TMEM117: variants seen among roughly 807,000 people sequenced by gnomAD.
TMEM117 encodes the protein transmembrane protein 117.
A neutral mutation model predicts 52.4 loss-of-function variants in TMEM117; 27 were observed. The observed-to-expected ratio is 0.51, with a 90% CI of 0.38 to 0.71. The LOEUF (loss-of-function observed/expected upper bound fraction) is 0.71, where lower values mean the gene tolerates loss of function less well. Among genes scored for constraint, TMEM117 ranks in the 30% least tolerant of loss-of-function variants. TMEM117 has a pLI of 0.00. For synonymous variants in TMEM117, 215 were observed against 206.3 expected (o/e 1.04, Z -0.36); for missense variants, 556 against 630.5 (o/e 0.88, Z 1.26).
chr12:44,259,663 T>C (rs1197117806), intron 5 of TMEM117, among the ~76,000 whole-genome samples: 1 of 152,176 alleles, frequency 6.6e-6, no homozygotes, highest in East Asian at 1.9e-4. Context: ...ATAGGAACTT[T>C]ATCTAAATGT....
intron 3 of TMEM117, among the ~76,000 whole-genome samples, chr12:44,003,707 T>C (rs907843107): frequency 3.9e-5 from 6 of 152,176 alleles, no homozygotes; most frequent in Non-Finnish European, 2.9e-5. Context: ...GGCAATGGAG[T>C]TTATGTCTCT....
At chr12:44,246,343 AC>A (rs1950129493) in intron 5 of TMEM117, among the ~76,000 whole-genome samples, 1 of 152,188 alleles carries the variant, frequency 6.6e-6, no homozygotes, top group African/African-American at 2.4e-5. Context: ...AAATACATTA[AC>A]CACAAGGAGA....
Position 44,336,645 on chromosome 12 carries a change from T to TCCATTAGG in TMEM117, c.768+36908_768+36915dup, listed in dbSNP as rs375452947. 2.1e-3 allele frequency among the ~76,000 whole-genome samples: 315 copies of TCCATTAGG among 151,974 alleles called. 13 individuals carry two copies. The East Asian group carries it at 0.057, about 27-fold the overall frequency. ...TTCCTGGTTTTATGTTTTAGAGAAA[T>TCCATTAGG]CCATTAGGCATTGGAAAAGTGCCTG... is the stretch of plus-strand genomic sequence containing the variant. On this transcript the variant is annotated intron_variant, in intron 6 of 7. Coordinates refer to ENST00000266534, the MANE Select transcript of TMEM117 (RefSeq NM_032256.3).
intron 2 of TMEM117, among the ~76,000 whole-genome samples, chr12:43,880,725 A>G (rs556756964): frequency 1.3e-5 from 2 of 152,266 alleles, no homozygotes; most frequent in South Asian, 4.1e-4. Flanking sequence ...ATTGTATTTC[A>G]CTGCTCTCAT....
the TMEM117 span, among the ~76,000 whole-genome samples, chr12:43,805,203 A>G: frequency 3.3e-5 from 5 of 152,234 alleles, no homozygotes; most frequent in South Asian, 2.1e-4. Context: ...GTTGTCTATT[A>G]GCAGCAAGAA....
chr12:44,255,691 A>G (rs1202335534), intron 5 of TMEM117, among the ~76,000 whole-genome samples: 2 of 152,116 alleles, frequency 1.3e-5, no homozygotes, highest in Non-Finnish European at 2.9e-5. Flanking sequence ...ATGCATACAC[A>G]TATACATGCA....
At chr12:43,815,369 G>A in the TMEM117 span, among the ~76,000 whole-genome samples, 1 of 152,190 alleles carries the variant, frequency 6.6e-6, no homozygotes, top group Admixed American at 6.5e-5. Context: ...AGCTGTTTAG[G>A]AAGTCAGGGA....
intron 5 of TMEM117, among the ~76,000 whole-genome samples, chr12:44,244,238 C>T (rs972944962): frequency 6.6e-6 from 1 of 151,970 alleles, no homozygotes; most frequent in Non-Finnish European, 1.5e-5. Context: ...TGCATTCCCA[C>T]CAACAGTGTC....
rs934494807 is a variant in TMEM117 at position 44,389,004 on chromosome 12, A to G, written c.*332A>G. On this transcript the variant is annotated 3_prime_UTR_variant, in exon 8 of 8. Transcript: ENST00000266534. Reference sequence around the variant, plus strand: ...TGCCTTGAGACATTAAACTGTTTTTAACTGTACCAGAAATGAAGTGTGGAA... The same window carrying G: ...TGCCTTGAGACATTAAACTGTTTTTGACTGTACCAGAAATGAAGTGTGGAA... 2.1e-5 allele frequency: 5 copies of G among 236,668 alleles called. No homozygotes were observed. The highest frequency in any genetic ancestry group is 1.1e-4 in the African/African-American group (5 of 44,640). 14.7% of individuals were successfully genotyped at this position (236,668 alleles called of 1,614,324 possible). A position where few individuals can be genotyped will look rare whatever the true frequency, so the allele number is the denominator to read the frequency against.
At chr12:44,205,436 A>G (rs1416644177) in intron 4 of TMEM117, among the ~76,000 whole-genome samples, 1 of 152,206 alleles carries the variant, frequency 6.6e-6, no homozygotes, top group Admixed American at 6.6e-5. Context: ...AGTCTTGGGT[A>G]TGTCTTTATT....
chr12:44,378,564 A>G (rs966872066), intron 7 of TMEM117, among the ~76,000 whole-genome samples: 1 of 152,204 alleles, frequency 6.6e-6, no homozygotes, highest in Non-Finnish European at 1.5e-5. Context: ...CATTTGAACT[A>G]AAACCCTCTT....
At chr12:44,392,403 A>T (rs1015956469), downstream of TMEM117, among the ~76,000 whole-genome samples, 1 of 152,160 alleles carries the variant, frequency 6.6e-6, no homozygotes, top group African/African-American at 2.4e-5. Flanking sequence ...TAAAATTCTC[A>T]TTAGGCTAGT....
chr12:44,384,961 A>G (rs1278219736), intron 7 of TMEM117, among the ~76,000 whole-genome samples: 1 of 152,174 alleles, frequency 6.6e-6, no homozygotes, highest in Non-Finnish European at 1.5e-5. Context: ...TCACAGAATA[A>G]AAAATTGGAT....
At chr12:43,861,156 A>G (rs1161730579) in intron 2 of TMEM117, among the ~76,000 whole-genome samples, 1 of 152,190 alleles carries the variant, frequency 6.6e-6, no homozygotes, top group Non-Finnish European at 1.5e-5. Context: ...TAGTATTTTC[A>G]GCAGTGGAGG....
intron 6 of TMEM117, among the ~76,000 whole-genome samples, chr12:44,366,984 A>G (rs1951798140): frequency 6.6e-6 from 1 of 152,180 alleles, no homozygotes; most frequent in Non-Finnish European, 1.5e-5. Context: ...AGCTGTAAAC[A>G]ACCAGTGTAT....
chr12:43,821,565 G>A, the TMEM117 span, among the ~76,000 whole-genome samples: 1 of 152,194 alleles, frequency 6.6e-6, no homozygotes, highest in East Asian at 1.9e-4. Flanking sequence ...ACAATTGTGA[G>A]CCACTGTGCC....
chr12:44,366,158 G>T (rs1248117500), intron 6 of TMEM117, among the ~76,000 whole-genome samples: 1 of 152,048 alleles, frequency 6.6e-6, no homozygotes, highest in Non-Finnish European at 1.5e-5. Flanking sequence ...GGGAACTTCT[G>T]TGAGAAATGT....
intron 3 of TMEM117, among the ~76,000 whole-genome samples, chr12:44,037,242 T>C (rs1191526078): frequency 6.6e-6 from 1 of 152,164 alleles, no homozygotes; most frequent in East Asian, 1.9e-4. Context: ...AAAACAGCTA[T>C]AGCCATCCAG....
At chr12:44,030,086 A>G (rs891935079) in intron 3 of TMEM117, among the ~76,000 whole-genome samples, 1 of 152,232 alleles carries the variant, frequency 6.6e-6, no homozygotes, top group African/African-American at 2.4e-5. Flanking sequence ...GCTTAAATCA[A>G]ATATTTTGTT....
Sources: gnomAD v4.1 joint callset for allele counts (sites outside exome capture counted in the v4.1 genomes callset) on GRCh38, gnomAD v4.1.1 for gene constraint, MANE v1.5 for transcripts, NCBI Gene and HGNC (gene_info 2026-07-23, HGNC 2026-07-21) for gene names.